HOXC5: variants seen among roughly 807,000 people sequenced by gnomAD.
The protein encoded by HOXC5 is homeobox C5.
In HOXC5, 19 loss-of-function variants were observed where a neutral mutation model predicts 20.1. The observed-to-expected ratio is 0.94, with a 90% confidence interval of 0.66 to 1.38. HOXC5 has a LOEUF of 1.38. Ranked by LOEUF, HOXC5 falls within the 40% of genes most tolerant of loss-of-function variation. The pLI is 0.00. For missense variants in HOXC5, 330 were observed against 300.1 expected, an observed-to-expected ratio of 1.10 and a Z score of -0.74; for synonymous variants, 124 against 117.0, an observed-to-expected ratio of 1.06 and a Z score of -0.39.
chr12:54,020,020 T>C, the HOXC5 span: 1 of 152,214 alleles, frequency 6.6e-6, no homozygotes, highest in Admixed American at 6.5e-5. Context: ...ACACCAACTC[T>C]CTGCTTCCCA....
At chr12:54,027,090 C>T in the HOXC5 span, among the ~76,000 whole-genome samples, 180 of 152,312 alleles carry the variant, frequency 1.2e-3, no homozygotes, top group African/African-American at 4.1e-3. Context: ...AGGAGAAAAC[C>T]CCCATCTGCA....
In HOXC5 at chr12:54,034,529, C is replaced by G. The variant is rs371365110; in HGVS notation, c.*37C>G. 23 of 1,542,692 alleles carry G rather than the reference C, an allele frequency of 1.5e-5. No homozygotes were observed. In the African/African-American group the frequency reaches 2.3e-4, roughly 16 times the overall value. On this transcript the variant is annotated 3_prime_UTR_variant, in exon 2 of 2. Coordinates refer to ENST00000312492, the MANE Select transcript of HOXC5 (RefSeq NM_018953.4). ...GAGGCCCGCAGAGCGCGCCCCTAGCCGGTTCCTGTCCCTGCGCCTTTCCTT... is the reference window on the plus strand; with the variant it reads ...GAGGCCCGCAGAGCGCGCCCCTAGCGGGTTCCTGTCCCTGCGCCTTTCCTT...
rs766496557 is a variant in HOXC5, at chr12:54,033,267, T to C, written c.145T>C (p.Phe49Leu). The C allele has an allele frequency of 6.2e-7, 1 of 1,614,116 alleles. No individual in the cohort carries two copies. The highest frequency in any genetic ancestry group is 8.5e-7 in the Non-Finnish European group (1 of 1,180,026). ...CYGGLDLSITFPPPAPSNSLH... is the reference protein window; with the variant it reads ...CYGGLDLSITLPPPAPSNSLH... ...CGGCGGATTGGACTTAAGCATCACT[T>C]TCCCACCGCCTGCGCCTTCCAACTC... Residue 49 changes from phenylalanine (F) to leucine (L), a missense_variant, in exon 1 of 2, where the codon TTC becomes CTC. Phe to Leu is a conservative substitution (Grantham distance 22). Coordinates refer to ENST00000312492, the MANE Select transcript of HOXC5 (RefSeq NM_018953.4).
rs200385207 is a variant in HOXC5, at chr12:54,033,208, C to T, written c.86C>T (p.Ser29Leu). ...ATGCAAACTTGTGGGAACTATGGAT[C>T]GGCCTCAGAGGTGCAGGCATCCAGG... ...YNMQTCGNYG[S>L]ASEVQASRYC... Residue 29 changes from serine (S) to leucine (L), a missense_variant, in exon 1 of 2, where the codon TCG becomes TTG. Coordinates refer to ENST00000312492, the MANE Select transcript of HOXC5 (RefSeq NM_018953.4). The T allele has an allele frequency of 1.2e-6, 2 of 1,614,174 alleles. No homozygotes were observed. Among genetic ancestry groups the T allele is most frequent in the African/African-American group, 1.3e-5 (1 of 75,046 alleles).
At position 54,035,100 on chromosome 12, in the gene HOXC5, C is replaced by A. The variant is rs559909411; in HGVS notation, c.*608C>A. 6.5e-6 allele frequency: 1 copy of A among 154,166 alleles called. No individual in the cohort carries two copies. Among genetic ancestry groups the A allele is most frequent in the Non-Finnish European group, 1.4e-5 (1 of 69,210 alleles). The allele number at this position is 154,166 out of a possible 1,614,324, so 9.5% of individuals were successfully genotyped here. A position where few individuals can be genotyped will look rare whatever the true frequency, so the allele number is the denominator to read the frequency against. Reference sequence around the variant, plus strand: ...CCTTATCTCCACAACCTCTTCCCCCCAAAACCCGGGAACCTCCCCAGCCTG... The same window carrying A: ...CCTTATCTCCACAACCTCTTCCCCCAAAAACCCGGGAACCTCCCCAGCCTG... On this transcript the variant is annotated 3_prime_UTR_variant, in exon 2 of 2. Coordinates refer to ENST00000312492, the MANE Select transcript of HOXC5 (RefSeq NM_018953.4).
the HOXC5 span, among the ~76,000 whole-genome samples, chr12:54,026,411 C>T: frequency 0.029 from 4,443 of 152,308 alleles, 98 homozygotes; most frequent in Non-Finnish European, 0.041. Flanking sequence ...ACATTGGTGT[C>T]TATGTTTGTG....
In HOXC5 at chr12:54,033,188, A is replaced by G. The variant is rs748135134; in HGVS notation, c.66A>G (p.Gln22=). 2.5e-6 allele frequency: 4 copies of G among 1,614,120 alleles called. No homozygotes were observed. The highest frequency in any genetic ancestry group is 1.7e-6 in the Non-Finnish European group (2 of 1,180,018). ...QSPNIPAYNM[Q]TCGNYGSASE... is the part of the protein sequence containing the mutation. ...CCAATATCCCTGCCTATAACATGCA[A>G]ACTTGTGGGAACTATGGATCGGCCT... Residue 22 remains glutamine (Q), a synonymous_variant, in exon 1 of 2, where the codon CAA becomes CAG. Coordinates refer to ENST00000312492, the MANE Select transcript of HOXC5 (RefSeq NM_018953.4).
At chr12:54,031,817 A>C (rs1940999462), upstream of HOXC5, among the ~76,000 whole-genome samples, 1 of 152,156 alleles carries the variant, frequency 6.6e-6, no homozygotes, top group Non-Finnish European at 1.5e-5. Flanking sequence ...ATGGGGCCGA[A>C]TGGCTGCAGA....
At position 54,034,983 on chromosome 12, in the gene HOXC5, A is replaced by T. The variant is rs996632211; in HGVS notation, c.*491A>T. On this transcript the variant is annotated 3_prime_UTR_variant, in exon 2 of 2. Transcript: ENST00000312492. ...CCCTAGACTCGGGGTGCTTCCTTGT[A>T]GCGACTAAACTAGATTTTCACTTAT... 5.7e-6 allele frequency: 1 copy of T among 175,730 alleles called. No homozygotes were observed. Among genetic ancestry groups the T allele is most frequent in the African/African-American group, 2.4e-5 (1 of 42,090 alleles). The allele number at this position is 175,730 out of a possible 1,614,324, so 10.9% of individuals were successfully genotyped here. A position where few individuals can be genotyped will look rare whatever the true frequency, so the allele number is the denominator to read the frequency against.
chr12:54,035,342 A>G lies in HOXC5; in HGVS notation c.*850A>G, dbSNP rs554537522. 1 of 152,816 alleles carries G rather than the reference A, an allele frequency of 6.5e-6. No individual in the cohort carries two copies. The highest frequency in any genetic ancestry group is 1.5e-5 in the Non-Finnish European group (1 of 68,062). The allele number at this position is 152,816 out of a possible 1,614,324, so 9.5% of individuals were successfully genotyped here. The stretch of plus-strand genomic sequence containing the variant: ...GAAACTATATTTTGTCATATCAAAT[A>G]AAGAGAGAACAGGACTAAAGATGCA... On this transcript the variant is annotated 3_prime_UTR_variant, in exon 2 of 2. Transcript: ENST00000312492.
chr12:54,023,593 G>A, the HOXC5 span, among the ~76,000 whole-genome samples: 1 of 152,122 alleles, frequency 6.6e-6, no homozygotes, highest in Admixed American at 6.5e-5. Context: ...AGCTTAACAT[G>A]CCCAATCTGC....
upstream of HOXC5, chr12:54,028,992 A>ACGGG (rs1592232177): frequency 2.8e-6 from 4 of 1,452,646 alleles, no homozygotes; most frequent in Non-Finnish European, 3.7e-6. Flanking sequence ...CCCTAGAAGA[A>ACGGG]CGGGCGGAGA....
At chr12:54,019,272 C>T in the HOXC5 span, among the ~76,000 whole-genome samples, 1 of 145,526 alleles carries the variant, frequency 6.9e-6, no homozygotes, top group Admixed American at 7.3e-5. Flanking sequence ...AAGCGCTTGG[C>T]TCTCCCCAAA....
the HOXC5 span, chr12:54,021,297 G>C: frequency 5.3e-5 from 8 of 152,240 alleles, no homozygotes; most frequent in African/African-American, 1.9e-4. Context: ...GTTACTGGAT[G>C]AACTGCGTTT....
chr12:54,024,715 G>T, the HOXC5 span, among the ~76,000 whole-genome samples: 1 of 152,098 alleles, frequency 6.6e-6, no homozygotes, highest in South Asian at 2.1e-4. Context: ...CCTTTCCCTG[G>T]CCTAAAGGGG....
chr12:54,034,083 A>C (rs1442025430), intron 1 of HOXC5, 195 bp from the exon 2 acceptor site: 7 of 714,998 alleles, frequency 9.8e-6, no homozygotes, highest in Non-Finnish European at 1.3e-5. Flanking sequence ...GCTGCGGTGG[A>C]AAGTTTCCTG....
chr12:54,018,081 C>A, the HOXC5 span, among the ~76,000 whole-genome samples: 1 of 152,072 alleles, frequency 6.6e-6, no homozygotes, highest in South Asian at 2.1e-4. Context: ...GAGCGTCTGC[C>A]CACCCCCTGC....
chr12:54,018,095 C>A, the HOXC5 span, among the ~76,000 whole-genome samples: 2 of 152,014 alleles, frequency 1.3e-5, no homozygotes, highest in African/African-American at 4.8e-5. Context: ...CCCCTGCTCC[C>A]GCCCCCACTC....
chr12:54,029,049 G>A (rs1232697853), upstream of HOXC5: 6 of 903,182 alleles, frequency 6.6e-6, no homozygotes, highest in East Asian at 1.3e-4. Context: ...TCTCCTCACC[G>A]AGACAGGGCC....
Sources: gnomAD v4.1 joint callset for allele counts (sites outside exome capture counted in the v4.1 genomes callset) on GRCh38, gnomAD v4.1.1 for gene constraint, MANE v1.5 for transcripts, NCBI Gene and HGNC (gene_info 2026-07-23, HGNC 2026-07-21) for gene names.